KCTD8: variants seen among roughly 807,000 people sequenced by gnomAD.
The protein encoded by KCTD8 is potassium channel tetramerization domain containing 8.
KCTD8 carries 27 observed loss-of-function variants against 31.5 expected under a neutral mutation model. That is an observed-to-expected ratio of 0.86 (90% CI 0.63 to 1.18). The LOEUF (loss-of-function observed/expected upper bound fraction) is 1.18. Among genes scored for constraint, KCTD8 ranks in the 50% most tolerant of loss-of-function variants. The pLI is 0.00. For missense variants in KCTD8, 658 were observed against 647.7 expected (o/e 1.02, Z -0.17); for synonymous variants, 290 against 280.0 (o/e 1.04, Z -0.36).
chr4:44,432,264 A>G (rs1179586760), intron 1 of KCTD8, among the ~76,000 whole-genome samples: 1 of 151,622 alleles, frequency 6.6e-6, no homozygotes, highest in African/African-American at 2.4e-5. Flanking sequence ...CAACATAGAT[A>G]TAATTAAGTG....
chr4:44,269,526 C>A (rs111417274), intron 1 of KCTD8, among the ~76,000 whole-genome samples: 2,164 of 151,500 alleles, frequency 0.014, 19 homozygotes, highest in Middle Eastern at 0.037. Flanking sequence ...CAACAAAAGC[C>A]AAAATTGACA....
intron 1 of KCTD8, among the ~76,000 whole-genome samples, chr4:44,343,779 G>T (rs1283431178): frequency 1.3e-5 from 2 of 152,068 alleles, no homozygotes; most frequent in Non-Finnish European, 2.9e-5. Flanking sequence ...AACAAAAAAT[G>T]TTATGCTGAA....
chr4:44,185,937 G>A (rs1713572606), intron 1 of KCTD8, among the ~76,000 whole-genome samples: 1 of 152,146 alleles, frequency 6.6e-6, no homozygotes, highest in Non-Finnish European at 1.5e-5. Flanking sequence ...GAGCGGGACA[G>A]GGAAGTGCTG....
intron 1 of KCTD8, among the ~76,000 whole-genome samples, chr4:44,327,574 G>T (rs1412774938): frequency 6.6e-6 from 1 of 151,584 alleles, no homozygotes; most frequent in African/African-American, 2.4e-5. Flanking sequence ...GAAGAACACC[G>T]AAGTCTGAGA....
intron 1 of KCTD8, among the ~76,000 whole-genome samples, chr4:44,290,852 A>G (rs2109385084): frequency 6.6e-6 from 1 of 152,254 alleles, no homozygotes; most frequent in Non-Finnish European, 1.5e-5. Context: ...GCCTTCATCA[A>G]GAAGTTAGAA....
intron 1 of KCTD8, among the ~76,000 whole-genome samples, chr4:44,191,409 A>C (rs2109334917): frequency 6.6e-6 from 1 of 152,284 alleles, no homozygotes; most frequent in Admixed American, 6.5e-5. Flanking sequence ...AGGGAAGATA[A>C]CCATAAGGTC....
chr4:44,379,763 CATTA>C (rs1055576444), intron 1 of KCTD8, among the ~76,000 whole-genome samples: 1 of 152,036 alleles, frequency 6.6e-6, no homozygotes, highest in Non-Finnish European at 1.5e-5. Context: ...AGCAAAATTA[CATTA>C]ATTTTTACAT....
At chr4:44,235,577 TTAG>T (rs1560402139) in intron 1 of KCTD8, among the ~76,000 whole-genome samples, 867 of 38,724 alleles carry the variant, frequency 0.022, 4 homozygotes, top group Non-Finnish European at 0.026. Context: ...ATATATATAT[TTAG>T]AGAGAGAGAG....
At chr4:44,223,527 T>TA (rs1274461319) in intron 1 of KCTD8, among the ~76,000 whole-genome samples, 2 of 152,184 alleles carry the variant, frequency 1.3e-5, no homozygotes, top group African/African-American at 4.8e-5. Flanking sequence ...AGTAAAAACT[T>TA]ATCGAATTGG....
intron 1 of KCTD8, among the ~76,000 whole-genome samples, chr4:44,198,870 A>T (rs528766219): frequency 1.3e-5 from 2 of 152,188 alleles, no homozygotes; most frequent in South Asian, 2.1e-4. Context: ...GGCAAGCTGG[A>T]TAAAAAGACA....
At chr4:44,238,850 C>G (rs973150148) in intron 1 of KCTD8, among the ~76,000 whole-genome samples, 2 of 152,094 alleles carry the variant, frequency 1.3e-5, no homozygotes, top group African/African-American at 2.4e-5. Flanking sequence ...CTTTAACTAT[C>G]AAGATGATCT....
intron 1 of KCTD8, chr4:44,293,779 T>C: frequency 2.2e-6 from 1 of 449,894 alleles, no homozygotes; most frequent in Non-Finnish European, 4.4e-6. Context: ...TTGAAAATTA[T>C]TTTAGCATTT....
intron 1 of KCTD8, among the ~76,000 whole-genome samples, chr4:44,401,706 T>G (rs1720670014): frequency 6.6e-6 from 1 of 152,130 alleles, no homozygotes; most frequent in Admixed American, 6.5e-5. Flanking sequence ...AGTTAATACA[T>G]GTAGAATGTT....
At chr4:44,268,598 C>T (rs1266016063) in intron 1 of KCTD8, among the ~76,000 whole-genome samples, 1 of 151,964 alleles carries the variant, frequency 6.6e-6, no homozygotes, top group Non-Finnish European at 1.5e-5. Flanking sequence ...AAGAGGAAGT[C>T]AAATTGTCCC....
intron 1 of KCTD8, among the ~76,000 whole-genome samples, chr4:44,328,939 G>T (rs1056192508): frequency 1.3e-5 from 2 of 151,810 alleles, no homozygotes; most frequent in Non-Finnish European, 2.9e-5. Context: ...ACACTTAGGT[G>T]TCCAACCGTG....
chr4:44,441,371 C>G (rs1329580024), intron 1 of KCTD8, among the ~76,000 whole-genome samples: 1 of 152,066 alleles, frequency 6.6e-6, no homozygotes, highest in Non-Finnish European at 1.5e-5. Context: ...TAAAAATATT[C>G]ATGAATACGA....
In KCTD8 at chr4:44,447,963, G is replaced by A. The variant is rs1206827532; in HGVS notation, c.561C>T (p.Pro187=). ...CACCACCGTGCGCTCCCGGGCCCGA[G>A]GGCACGGCGGCCGCCGCCCCGCGCA... ...LLLRGAAAAV[P]SGPGAHGGGG... Residue 187 remains proline, a synonymous_variant, in exon 1 of 2, where the codon CCC becomes CCT. Coordinates refer to ENST00000360029, the MANE Select transcript of KCTD8 (RefSeq NM_198353.3). 3.4e-5 allele frequency: 52 copies of A among 1,528,486 alleles called. 1 individual carries two copies. Among genetic ancestry groups the A allele is most frequent in the African/African-American group, 1.1e-4 (8 of 71,454 alleles). 94.7% of individuals were successfully genotyped at this position (1,528,486 alleles called of 1,614,324 possible).
rs761129903 is a variant in KCTD8 at position 44,279,131 on chromosome 4, A to G, written c.962-103881T>C. On this transcript the variant is annotated intron_variant, in intron 1 of 1. Coordinates refer to ENST00000360029, the MANE Select transcript of KCTD8 (RefSeq NM_198353.3). ...GTAAAATGGAGATAGTCATATTTGC[A>G]TAAAGGTGTGTGCATTATCTATAGT... is the stretch of plus-strand genomic sequence containing the variant. Among the ~76,000 whole-genome samples the G allele has an allele frequency of 3.9e-5, 6 of 152,240 alleles. No individual in the cohort carries two copies. The East Asian group carries it at 9.7e-4, about 25-fold the overall frequency.
At chr4:44,405,272 T>TG (rs57904291) in intron 1 of KCTD8, among the ~76,000 whole-genome samples, 1 of 140,828 alleles carries the variant, frequency 7.1e-6, no homozygotes, top group East Asian at 2.1e-4. Context: ...TTTGTTTGTT[T>TG]TTGTGAGACG....
Sources: gnomAD v4.1 joint callset for allele counts (sites outside exome capture counted in the v4.1 genomes callset) on GRCh38, gnomAD v4.1.1 for gene constraint, MANE v1.5 for transcripts, NCBI Gene and HGNC (gene_info 2026-07-23, HGNC 2026-07-21) for gene names.